Variants in MGAT5 observed in about 807,000 individuals in gnomAD.
MGAT5 encodes the protein alpha-1,6-mannosylglycoprotein 6-beta-N-acetylglucosaminyltransferase A.
In MGAT5, 30 loss-of-function variants were observed where a neutral mutation model predicts 94.3. The ratio of observed to expected loss-of-function variants is 0.32; its 90% CI spans 0.24 to 0.43. The LOEUF is 0.43. Among genes scored for constraint, MGAT5 ranks in the 20% least tolerant of loss-of-function variants. MGAT5 has a pLI of 1.00. For synonymous variants in MGAT5, 310 were observed against 322.9 expected, an observed-to-expected ratio of 0.96 and a Z score of 0.43; for missense variants, 691 against 905.5, an observed-to-expected ratio of 0.76 and a Z score of 3.04.
intron 13 of MGAT5, 25 bp downstream of exon 13, chr2:134,422,944 C>T (rs1684379399): frequency 6.4e-7 from 1 of 1,551,274 alleles, no homozygotes; most frequent in East Asian, 2.2e-5. Context: ...TTCCACTTTC[C>T]CTCCTTTCTA....
chr2:134,398,596 A>G (rs1015668352), intron 10 of MGAT5, among the ~76,000 whole-genome samples: 4 of 152,252 alleles, frequency 2.6e-5, no homozygotes, highest in Admixed American at 1.3e-4. Context: ...CCAGCTAAAA[A>G]GGAAGTTGGA....
chr2:134,134,911 C>T (rs763911061), intron 1 of MGAT5, among the ~76,000 whole-genome samples: 2 of 152,156 alleles, frequency 1.3e-5, no homozygotes, highest in African/African-American at 2.4e-5. Flanking sequence ...TAAACATCGA[C>T]GTTTCCAGTT....
At chr2:134,209,138 C>CTTTT (rs1553493812) in intron 1 of MGAT5, among the ~76,000 whole-genome samples, 1 of 85,418 alleles carries the variant, frequency 1.2e-5, no homozygotes, top group Admixed American at 1.4e-4. Context: ...ATAGAACTGG[C>CTTTT]TTATTTTTTT....
At chr2:134,274,446 A>G (rs1217907698) in intron 2 of MGAT5, among the ~76,000 whole-genome samples, 1 of 152,190 alleles carries the variant, frequency 6.6e-6, no homozygotes, top group Non-Finnish European at 1.5e-5. Context: ...TGAACTTCCC[A>G]TCAATGGTTA....
intron 11 of MGAT5, among the ~76,000 whole-genome samples, chr2:134,405,762 A>C (rs1014991939): frequency 6.6e-6 from 1 of 152,072 alleles, no homozygotes; most frequent in Admixed American, 6.5e-5. Context: ...CTGACTCATT[A>C]TTTTTCTTTA....
chr2:134,122,429 A>G (rs1415528216), intron 1 of MGAT5, among the ~76,000 whole-genome samples: 3 of 151,890 alleles, frequency 2.0e-5, no homozygotes, highest in African/African-American at 4.8e-5. Context: ...CTTTCTAGAG[A>G]GCTTTTTAGT....
chr2:134,311,797 T>C (rs1287167528), intron 2 of MGAT5, among the ~76,000 whole-genome samples: 1 of 152,226 alleles, frequency 6.6e-6, no homozygotes, highest in African/African-American at 2.4e-5. Context: ...GCGTAGTTGA[T>C]AGTTGGTGAT....
chr2:134,391,046 C>G (rs947380309), intron 10 of MGAT5, among the ~76,000 whole-genome samples: 2 of 152,144 alleles, frequency 1.3e-5, no homozygotes, highest in African/African-American at 4.8e-5. Context: ...TCTAGAATAT[C>G]TGATCAGGTC....
chr2:134,132,514 C>G (rs1450929443), intron 1 of MGAT5, among the ~76,000 whole-genome samples: 1 of 152,228 alleles, frequency 6.6e-6, no homozygotes, highest in Non-Finnish European at 1.5e-5. Context: ...TCAGGCGGCA[C>G]GTGACTGGCT....
At chr2:134,299,679 C>T (rs1292765614) in intron 2 of MGAT5, among the ~76,000 whole-genome samples, 1 of 152,150 alleles carries the variant, frequency 6.6e-6, no homozygotes, top group Non-Finnish European at 1.5e-5. Context: ...CCCCTGTCCC[C>T]TCTTTTATTC....
At chr2:134,148,888 A>C (rs1008674237) in intron 1 of MGAT5, among the ~76,000 whole-genome samples, 1 of 150,522 alleles carries the variant, frequency 6.6e-6, no homozygotes, top group Non-Finnish European at 1.5e-5. Flanking sequence ...CCTCCCGAGT[A>C]GCTGGAATTA....
intron 8 of MGAT5, among the ~76,000 whole-genome samples, chr2:134,345,526 A>G (rs1380600306): frequency 6.6e-6 from 1 of 152,128 alleles, no homozygotes; most frequent in Non-Finnish European, 1.5e-5. Flanking sequence ...TAAGCCCATT[A>G]AGATTAGTAT....
At chr2:134,154,028 A>G (rs1266492436) in intron 1 of MGAT5, among the ~76,000 whole-genome samples, 1 of 152,124 alleles carries the variant, frequency 6.6e-6, no homozygotes, top group Non-Finnish European at 1.5e-5. Flanking sequence ...GAAAAAAAAT[A>G]CCCAGAGCCC....
intron 10 of MGAT5, among the ~76,000 whole-genome samples, chr2:134,394,517 G>A (rs1437106911): frequency 1.3e-5 from 2 of 152,182 alleles, no homozygotes; most frequent in African/African-American, 4.8e-5. Context: ...TCCTTACTAA[G>A]AGAGACCAAT....
At chr2:134,151,055 T>G (rs1687143885) in intron 1 of MGAT5, among the ~76,000 whole-genome samples, 1 of 152,124 alleles carries the variant, frequency 6.6e-6, no homozygotes, top group Non-Finnish European at 1.5e-5. Context: ...AGTCCCAGGT[T>G]TGGAAAGATT....
chr2:134,134,141 T>G (rs1558949687), intron 1 of MGAT5, among the ~76,000 whole-genome samples: 1 of 152,158 alleles, frequency 6.6e-6, no homozygotes, highest in Non-Finnish European at 1.5e-5. Flanking sequence ...TGTAACCATA[T>G]TTCAGTCCAG....
intron 8 of MGAT5, among the ~76,000 whole-genome samples, chr2:134,345,780 G>A (rs528509397): frequency 6.6e-6 from 1 of 152,246 alleles, no homozygotes; most frequent in African/African-American, 2.4e-5. Flanking sequence ...TTTAACACAT[G>A]CATTTTTAAC....
At chr2:134,223,046 T>C (rs1200777548) in intron 1 of MGAT5, among the ~76,000 whole-genome samples, 1 of 152,208 alleles carries the variant, frequency 6.6e-6, no homozygotes, top group African/African-American at 2.4e-5. Flanking sequence ...GGGAGTATTA[T>C]AACCAAGAGG....
intron 1 of MGAT5, among the ~76,000 whole-genome samples, chr2:134,261,559 C>T (rs1558740962): frequency 6.6e-6 from 1 of 152,196 alleles, no homozygotes; most frequent in Non-Finnish European, 1.5e-5. Flanking sequence ...AGAACACAGC[C>T]ATGCGCATTC....
Sources: gnomAD v4.1 joint callset for allele counts (sites outside exome capture counted in the v4.1 genomes callset) on GRCh38, gnomAD v4.1.1 for gene constraint, MANE v1.5 for transcripts, NCBI Gene and HGNC (gene_info 2026-07-23, HGNC 2026-07-21) for gene names.